The following LRRC4C variants were observed in gnomAD, a reference collection of about 807,000 sequenced individuals.
LRRC4C encodes the protein leucine rich repeat containing 4C.
LRRC4C carries 5 observed loss-of-function variants against 33.6 expected under a neutral mutation model. That is an observed-to-expected ratio of 0.15 (90% confidence interval 0.08 to 0.31). The LOEUF (loss-of-function observed/expected upper bound fraction) is 0.31, where lower values mean the gene tolerates loss of function less well. Among genes scored for constraint, LRRC4C ranks in the 10% least tolerant of loss-of-function variants. LRRC4C has a pLI of 1.00. For missense variants in LRRC4C, 560 were observed against 796.7 expected (o/e 0.70, Z 3.58); for synonymous variants, 329 against 302.0 (o/e 1.09, Z -0.93).
chr11:41,382,997 A>G (rs1953214376), intron 1 of LRRC4C, among the ~76,000 whole-genome samples: 1 of 152,138 alleles, frequency 6.6e-6, no homozygotes, highest in Non-Finnish European at 1.5e-5. Context: ...ACAATGCAAC[A>G]TACATCTTAG....
intron 5 of LRRC4C, among the ~76,000 whole-genome samples, chr11:40,197,544 C>G (rs1161879485): frequency 1.3e-5 from 2 of 152,202 alleles, no homozygotes; most frequent in African/African-American, 4.8e-5. Flanking sequence ...AGTCTACCTT[C>G]TAATCCAAAT....
At chr11:40,656,558 C>T (rs1943125165) in intron 2 of LRRC4C, among the ~76,000 whole-genome samples, 1 of 151,632 alleles carries the variant, frequency 6.6e-6, no homozygotes, top group Non-Finnish European at 1.5e-5. Flanking sequence ...ACATGCCTCT[C>T]ACATTGGGCT....
chr11:40,320,685 A>G (rs368965950), intron 3 of LRRC4C, among the ~76,000 whole-genome samples: 3 of 152,206 alleles, frequency 2.0e-5, no homozygotes, highest in Admixed American at 2.0e-4. Context: ...TCCAAAACTT[A>G]CTGAGTCTTA....
At chr11:40,456,179 T>C (rs1952123463) in intron 3 of LRRC4C, among the ~76,000 whole-genome samples, 1 of 152,112 alleles carries the variant, frequency 6.6e-6, no homozygotes. Context: ...TAGCTCCTCT[T>C]TAGCATATCA....
chr11:41,041,579 T>C (rs1328254501), intron 1 of LRRC4C, among the ~76,000 whole-genome samples: 1 of 152,126 alleles, frequency 6.6e-6, no homozygotes, highest in East Asian at 1.9e-4. Context: ...CATTAACAGA[T>C]TAGAGAAGTT....
intron 1 of LRRC4C, among the ~76,000 whole-genome samples, chr11:41,358,787 A>C (rs1368551022): frequency 6.6e-6 from 1 of 152,192 alleles, no homozygotes; most frequent in South Asian, 2.1e-4. Flanking sequence ...TGGTGGAAGT[A>C]CAACCATTTT....
At chr11:41,383,746 A>G (rs949467152) in intron 1 of LRRC4C, among the ~76,000 whole-genome samples, 2 of 151,972 alleles carry the variant, frequency 1.3e-5, no homozygotes, top group Non-Finnish European at 2.9e-5. Flanking sequence ...AAATACAAAC[A>G]TTTAAGAAAT....
At chr11:40,691,747 G>A (rs1945229869) in intron 2 of LRRC4C, among the ~76,000 whole-genome samples, 1 of 152,158 alleles carries the variant, frequency 6.6e-6, no homozygotes. Context: ...TTAATATCAA[G>A]TATTTTAATT....
intron 3 of LRRC4C, among the ~76,000 whole-genome samples, chr11:40,562,842 C>T (rs915137327): frequency 7.2e-5 from 11 of 152,050 alleles, no homozygotes; most frequent in Admixed American, 2.6e-4. Context: ...TGCAACGGCT[C>T]ATCTTTGTTC....
At chr11:40,503,310 C>G (rs1310260614) in intron 3 of LRRC4C, among the ~76,000 whole-genome samples, 1 of 152,182 alleles carries the variant, frequency 6.6e-6, no homozygotes, top group Non-Finnish European at 1.5e-5. Flanking sequence ...ACACAGTGTT[C>G]ATGCTATTTT....
chr11:40,252,393 C>T (rs61911077), intron 4 of LRRC4C, among the ~76,000 whole-genome samples: 10,798 of 151,880 alleles, frequency 0.071, 548 homozygotes, highest in Middle Eastern at 0.14. Context: ...CCAACACACA[C>T]GCAGAGTACC....
intron 1 of LRRC4C, among the ~76,000 whole-genome samples, chr11:41,194,496 T>C (rs1009179730): frequency 3.0e-4 from 46 of 152,224 alleles, no homozygotes; most frequent in African/African-American, 1.0e-3. Flanking sequence ...TTACATTACC[T>C]GAGATGATAA....
At chr11:40,429,411 T>C (rs1950832008) in intron 3 of LRRC4C, among the ~76,000 whole-genome samples, 1 of 152,158 alleles carries the variant, frequency 6.6e-6, no homozygotes, top group Admixed American at 6.5e-5. Flanking sequence ...TATTTACTCT[T>C]TGCATCCATC....
At chr11:40,918,477 T>C (rs1014694095) in intron 2 of LRRC4C, among the ~76,000 whole-genome samples, 10 of 152,022 alleles carry the variant, frequency 6.6e-5, no homozygotes, top group Non-Finnish European at 2.9e-5. Context: ...AGTCTCAAAA[T>C]CAGCCTTGCC....
chr11:41,338,142 G>T (rs1951515507), intron 1 of LRRC4C, among the ~76,000 whole-genome samples: 3 of 152,154 alleles, frequency 2.0e-5, no homozygotes, highest in Admixed American at 2.0e-4. Context: ...GATTCCTCTA[G>T]GAGCTAGAAC....
At chr11:41,123,907 T>A (rs1333773066) in intron 1 of LRRC4C, among the ~76,000 whole-genome samples, 4 of 152,230 alleles carry the variant, frequency 2.6e-5, no homozygotes, top group African/African-American at 9.6e-5. Context: ...TGTACTCATA[T>A]TAAGTTTGAG....
intron 3 of LRRC4C, among the ~76,000 whole-genome samples, chr11:40,410,346 T>C (rs891279758): frequency 2.6e-5 from 4 of 152,096 alleles, no homozygotes; most frequent in African/African-American, 9.7e-5. Context: ...CATAAAATAT[T>C]TTACTTTCTT....
intron 3 of LRRC4C, among the ~76,000 whole-genome samples, chr11:40,597,628 AG>A (rs140588512): frequency 0.28 from 42,143 of 152,044 alleles, 6,322 homozygotes; most frequent in Admixed American, 0.35. Flanking sequence ...TCCACTGCCC[AG>A]GTTCAATTAT....
At chr11:41,335,063 C>A (rs7933954) in intron 1 of LRRC4C, among the ~76,000 whole-genome samples, 4,515 of 152,258 alleles carry the variant, frequency 0.03, 106 homozygotes, top group African/African-American at 0.067. Flanking sequence ...CACCTCCAAA[C>A]ACCTAACATC....
Sources: allele counts gnomAD v4.1 joint callset (sites outside exome capture counted in the v4.1 genomes callset), GRCh38; gene constraint gnomAD v4.1.1; transcripts MANE v1.5; gene names NCBI Gene and HGNC (gene_info 2026-07-23, HGNC 2026-07-21).